Variants in AFF3 observed in about 807,000 individuals in gnomAD.
AFF3 encodes the protein AF4/FMR2 family member 3.
In AFF3, 32 loss-of-function variants were observed where a neutral mutation model predicts 129.7. The ratio of observed to expected loss-of-function variants is 0.25; its 90% CI spans 0.19 to 0.33. The LOEUF (loss-of-function observed/expected upper bound fraction) is 0.33. Among genes scored for constraint, AFF3 ranks in the 10% least tolerant of loss-of-function variants. The probability of loss-of-function intolerance (pLI) is 1.00; values close to 1 mark genes in which losing one functional copy is unlikely to be tolerated. For synonymous variants in AFF3, 644 were observed against 635.4 expected (o/e 1.01, Z -0.20); for missense variants, 1,373 against 1,592.0 (o/e 0.86, Z 2.34).
At chr2:100,014,307 AG>A (rs1012866879) in intron 4 of AFF3, among the ~76,000 whole-genome samples, 11 of 152,176 alleles carry the variant, frequency 7.2e-5, no homozygotes, top group Non-Finnish European at 5.9e-5. Flanking sequence ...AGCAAATTCA[AG>A]GAGAAGAGAA....
chr2:99,720,201 A>G (rs1003819982), intron 11 of AFF3, among the ~76,000 whole-genome samples: 1 of 151,686 alleles, frequency 6.6e-6, no homozygotes, highest in Admixed American at 6.5e-5. Context: ...ATCAAATCTC[A>G]TGTTGGAATT....
intron 4 of AFF3, among the ~76,000 whole-genome samples, chr2:100,025,223 A>C (rs1430041416): frequency 6.6e-6 from 1 of 151,988 alleles, no homozygotes; most frequent in East Asian, 1.9e-4. Context: ...AATGAACTAG[A>C]CCATTCAGTA....
chr2:99,601,332 A>G, intron 14 of AFF3, 103 bp downstream of exon 14: 1 of 1,339,034 alleles, frequency 7.5e-7, no homozygotes, highest in Non-Finnish European at 9.8e-7. Flanking sequence ...GGTCTGCAGG[A>G]GGGAGGAGAC....
At chr2:100,002,040 G>A (rs1181340500) in intron 7 of AFF3, among the ~76,000 whole-genome samples, 2 of 152,256 alleles carry the variant, frequency 1.3e-5, no homozygotes, top group African/African-American at 4.8e-5. Flanking sequence ...ACTGCCATGG[G>A]TGAGCGAGGG....
intron 11 of AFF3, among the ~76,000 whole-genome samples, chr2:99,690,321 C>T (rs1232692566): frequency 6.6e-6 from 1 of 150,848 alleles, no homozygotes; most frequent in East Asian, 2.0e-4. Flanking sequence ...GCTGGGACTA[C>T]AGGCACCCGC....
chr2:99,856,401 A>C (rs1366379266), intron 7 of AFF3, among the ~76,000 whole-genome samples: 12 of 152,208 alleles, frequency 7.9e-5, no homozygotes, highest in African/African-American at 2.7e-4. Context: ...AGATGCCAAC[A>C]GTGAGATCAT....
chr2:99,698,729 T>A (rs1331090043), intron 11 of AFF3, among the ~76,000 whole-genome samples: 2 of 152,248 alleles, frequency 1.3e-5, no homozygotes, highest in Non-Finnish European at 2.9e-5. Context: ...TGAGAATATT[T>A]TAGGCATAAG....
At chr2:99,753,545 C>A (rs963996806) in intron 8 of AFF3, among the ~76,000 whole-genome samples, 1 of 152,106 alleles carries the variant, frequency 6.6e-6, no homozygotes, top group Non-Finnish European at 1.5e-5. Flanking sequence ...TGTTGAAAAG[C>A]GATTCTGTCA....
At chr2:99,910,286 ATTGGTAGTTAGCATTTTTATTGCTCAT>A (rs1695022324) in intron 7 of AFF3, among the ~76,000 whole-genome samples, 1 of 152,234 alleles carries the variant, frequency 6.6e-6, no homozygotes, top group Admixed American at 6.5e-5. Context: ...TTCACTAAGC[ATTGGTAGTTAGCATTTTTATTGCTCAT>A]TTGTTTTCAT....
chr2:99,822,862 G>T (rs1013022022), intron 8 of AFF3, among the ~76,000 whole-genome samples: 3 of 152,152 alleles, frequency 2.0e-5, no homozygotes, highest in Non-Finnish European at 2.9e-5. Context: ...GCGTGAAGGG[G>T]CTCCTGGCGA....
intron 18 of AFF3, among the ~76,000 whole-genome samples, chr2:99,573,614 C>T (rs1028527121): frequency 3.9e-5 from 6 of 152,198 alleles, no homozygotes; most frequent in Non-Finnish European, 8.8e-5. Context: ...AATTAAAATC[C>T]TTTAGCTCTG....
At chr2:99,642,653 T>C (rs1242752741) in intron 13 of AFF3, among the ~76,000 whole-genome samples, 2 of 152,232 alleles carry the variant, frequency 1.3e-5, no homozygotes, top group Non-Finnish European at 2.9e-5. Flanking sequence ...CCAGAAATAT[T>C]GTTACGATGC....
At chr2:100,044,714 C>T (rs1685695866) in intron 4 of AFF3, among the ~76,000 whole-genome samples, 1 of 152,136 alleles carries the variant, frequency 6.6e-6, no homozygotes, top group South Asian at 2.1e-4. Flanking sequence ...CCCAGGTTAA[C>T]CTCTGAGATT....
At chr2:99,715,276 T>C (rs1276827659) in intron 11 of AFF3, among the ~76,000 whole-genome samples, 1 of 152,214 alleles carries the variant, frequency 6.6e-6, no homozygotes, top group African/African-American at 2.4e-5. Context: ...TAACATCTTC[T>C]TAGTTTTCCA....
At chr2:100,029,740 T>G (rs1424411488) in intron 4 of AFF3, among the ~76,000 whole-genome samples, 1 of 152,198 alleles carries the variant, frequency 6.6e-6, no homozygotes, top group Non-Finnish European at 1.5e-5. Flanking sequence ...CACAACAATA[T>G]GAATGTGCTT....
At chr2:100,073,379 C>T (rs1053045062) in intron 4 of AFF3, among the ~76,000 whole-genome samples, 1 of 152,184 alleles carries the variant, frequency 6.6e-6, no homozygotes, top group Non-Finnish European at 1.5e-5. Flanking sequence ...AGATCACCAG[C>T]ATCCACCAGA....
At chr2:99,662,054 C>T (rs1348301847) in intron 12 of AFF3, among the ~76,000 whole-genome samples, 2 of 151,988 alleles carry the variant, frequency 1.3e-5, no homozygotes, top group Non-Finnish European at 1.5e-5. Context: ...GCAGGAGAAT[C>T]GCTTGAACCC....
At chr2:100,065,697 T>G (rs954374056) in intron 4 of AFF3, among the ~76,000 whole-genome samples, 6 of 152,202 alleles carry the variant, frequency 3.9e-5, no homozygotes, top group Non-Finnish European at 7.3e-5. Flanking sequence ...GCTGGTATCT[T>G]ATCCACCTAC....
intron 4 of AFF3, among the ~76,000 whole-genome samples, chr2:100,010,993 A>AG (rs1375696680): frequency 6.6e-6 from 1 of 152,140 alleles, no homozygotes; most frequent in East Asian, 1.9e-4. Flanking sequence ...AACAAAAAGC[A>AG]GCCGGGCGCT....
Sources: gnomAD v4.1 joint callset for allele counts (sites outside exome capture counted in the v4.1 genomes callset) on GRCh38, gnomAD v4.1.1 for gene constraint, MANE v1.5 for transcripts, NCBI Gene and HGNC (gene_info 2026-07-23, HGNC 2026-07-21) for gene names.